The following TMEM38A variants were observed in gnomAD, a reference collection of about 807,000 sequenced individuals.
TMEM38A encodes transmembrane protein 38A.
Under a neutral mutation model 28.6 loss-of-function variants are expected in TMEM38A, and 17 were observed. That is an observed-to-expected ratio of 0.60 (90% CI 0.41 to 0.89). The LOEUF (loss-of-function observed/expected upper bound fraction) is 0.89. Among genes scored for constraint, TMEM38A ranks in the 40% least tolerant of loss-of-function variants. TMEM38A has a pLI of 0.00. For synonymous variants in TMEM38A, 169 were observed against 166.1 expected (o/e 1.02, Z -0.14); for missense variants, 328 against 393.1 (o/e 0.83, Z 1.40).
intron 1 of TMEM38A, among the ~76,000 whole-genome samples, chr19:16,668,096 C>T (rs1369823147): frequency 1.3e-5 from 2 of 151,856 alleles, no homozygotes; most frequent in African/African-American, 4.8e-5. Context: ...GTAGTCCTGG[C>T]TACTTGGTAG....
At chr19:16,671,952 G>A (rs1217789528) in intron 1 of TMEM38A, among the ~76,000 whole-genome samples, 5 of 152,188 alleles carry the variant, frequency 3.3e-5, no homozygotes, top group African/African-American at 9.7e-5. Flanking sequence ...TGCCTCACCC[G>A]ACCTGGCCTC....
intron 1 of TMEM38A, among the ~76,000 whole-genome samples, chr19:16,675,544 A>AT (rs778592406): frequency 0.052 from 4,628 of 89,744 alleles, 400 homozygotes; most frequent in African/African-American, 0.17. Flanking sequence ...TCTCTTGACT[A>AT]TTTTTTTTTT....
chr19:16,682,087 T>G (rs1275037441), intron 3 of TMEM38A, among the ~76,000 whole-genome samples: 2 of 152,058 alleles, frequency 1.3e-5, no homozygotes, highest in East Asian at 3.9e-4. Context: ...AGACTGCGGG[T>G]GGGGGCTGCC....
At chr19:16,663,217 G>T (rs1361113862) in intron 1 of TMEM38A, among the ~76,000 whole-genome samples, 1 of 151,364 alleles carries the variant, frequency 6.6e-6, no homozygotes, top group African/African-American at 2.4e-5. Context: ...GGAGGCGGAG[G>T]TTGCAGTGAG....
Position 16,688,470 on chromosome 19 carries a change from TC to T in TMEM38A, c.*103del. 1 of 984,376 alleles carries T rather than the reference TC, an allele frequency of 1.0e-6. No homozygotes were observed. The highest frequency in any genetic ancestry group is 1.4e-6 in the Non-Finnish European group (1 of 726,270). 61.0% of individuals were successfully genotyped at this position (984,376 alleles called of 1,614,324 possible). A position where few individuals can be genotyped will look rare whatever the true frequency, so the allele number is the denominator to read the frequency against. On this transcript the variant is annotated 3_prime_UTR_variant, in exon 6 of 6. Transcript: ENST00000187762. ...GATCTATCCTTTCCTGGCCTTGACT[TC>T]CCCATCTGCAAATCAGGGTCATTGG...
At chr19:16,674,692 G>A (rs373148918) in intron 1 of TMEM38A, among the ~76,000 whole-genome samples, 45 of 152,030 alleles carry the variant, frequency 3.0e-4, no homozygotes, top group African/African-American at 9.9e-4. Context: ...CTAGCTAGTC[G>A]GGAGGCTGAG....
chr19:16,688,284 A>G lies in TMEM38A; in HGVS notation c.813A>G (p.Pro271=), dbSNP rs760343446. The change falls in exon 6 of 6, where the codon CCA becomes CCG. Residue 271 remains proline, a synonymous_variant. Transcript: ENST00000187762. ...GTGGGTCCCACAGCGGTGGTGGGCC[A>G]GGAGCTCAGCATTCGGCCATGCCCG... ...NHGGSHSGGG[P]GAQHSAMPAK... is the part of the protein sequence containing the mutation. 1 of 1,609,116 alleles carries G rather than the reference A, an allele frequency of 6.2e-7. No homozygotes were observed. The highest frequency in any genetic ancestry group is 1.1e-5 in the South Asian group (1 of 90,376).
Position 16,687,153 on chromosome 19 carries a change from G to A in TMEM38A, c.672+748G>A, listed in dbSNP as rs145072533. On this transcript the variant is annotated intron_variant, in intron 5 of 5. Transcript: ENST00000187762. ...TCAAGACCAGCCTGGGCAACATGGC[G>A]AAACCCCATCTCTCCTAAAAATACA... 1.3e-3 allele frequency among the ~76,000 whole-genome samples: 198 copies of A among 152,182 alleles called. 5 individuals are homozygous for A. In the East Asian group the frequency reaches 0.025, roughly 19 times the overall value.
chr19:16,671,201 C>CT (rs34550977), intron 1 of TMEM38A, among the ~76,000 whole-genome samples: 962 of 84,796 alleles, frequency 0.011, 14 homozygotes, highest in African/African-American at 0.013. Context: ...AGGACCTGGG[C>CT]TTTTTTTTTT....
rs755635286 is a variant in TMEM38A at position 16,688,231 on chromosome 19, G to A, written c.760G>A (p.Gly254Arg). 10 of 1,592,504 alleles carry A rather than the reference G, an allele frequency of 6.3e-6. No homozygotes were observed. The Admixed American group carries it at 7.0e-5, about 11-fold the overall frequency. ...ICPVLFGSAC[G>R]GDHHHDNHGG... is the part of the protein sequence containing the mutation. The stretch of plus-strand genomic sequence containing the variant: ...CCCCGTGCTGTTTGGTTCGGCCTGC[G>A]GGGGTGACCATCACCACGACAACCA... The change falls in exon 6 of 6, where the codon GGG becomes AGG. Residue 254 changes from glycine to arginine, a missense_variant. Coordinates refer to ENST00000187762, the MANE Select transcript of TMEM38A (RefSeq NM_024074.4).
rs34550977 is a variant in TMEM38A, at chr19:16,671,201, C to CTTTTTTTTTTTT, written c.125-8772_125-8761dup. Among the ~76,000 whole-genome samples the CTTTTTTTTTTTT allele has an allele frequency of 3.7e-3, 316 of 84,846 alleles. 39 individuals are homozygous for CTTTTTTTTTTTT. The highest frequency in any genetic ancestry group is 0.018 in the African/African-American group (278 of 15,114). The allele number at this position is 84,846 out of a possible 152,430, so 55.7% of individuals were successfully genotyped here. On this transcript the variant is annotated intron_variant, in intron 1 of 5. Coordinates refer to ENST00000187762, the MANE Select transcript of TMEM38A (RefSeq NM_024074.4). ...GTATGGAAAGGGGAAAGGACCTGGG[C>CTTTTTTTTTTTT]TTTTTTTTTTTTTTTTTTTTTTGAG... is the stretch of plus-strand genomic sequence containing the variant.
At chr19:16,684,471 C>A (rs1239801505) in intron 4 of TMEM38A, among the ~76,000 whole-genome samples, 2 of 151,318 alleles carry the variant, frequency 1.3e-5, no homozygotes, top group African/African-American at 4.9e-5. Context: ...CAGAGCGAGA[C>A]CTTGTCTCAA....
intron 1 of TMEM38A, among the ~76,000 whole-genome samples, chr19:16,676,921 T>C (rs1440157872): frequency 2.6e-5 from 4 of 151,640 alleles, no homozygotes; most frequent in Non-Finnish European, 1.5e-5. Flanking sequence ...CCACCACGCC[T>C]GGCTAATTTT....
rs150094545 is a variant in TMEM38A, at chr19:16,680,005, G to A, written c.146G>A (p.Arg49His). ...YEPGAVELSRRHPIASWLCAM... is the reference protein window; with the variant it reads ...YEPGAVELSRHHPIASWLCAM... ...CCAGGAGCAGTCGAACTGTCCCGGC[G>A]CCACCCCATCGCGTCCTGGCTGTGC... Residue 49 changes from arginine (R) to histidine (H), a missense_variant, in exon 2 of 6, where the codon CGC (arginine) becomes CAC (histidine). Transcript: ENST00000187762. 118 of 1,608,142 alleles carry A rather than the reference G, an allele frequency of 7.3e-5. No homozygotes were observed. Among genetic ancestry groups the A allele is most frequent in the South Asian group, 3.8e-4 (35 of 91,040 alleles).
rs138228271 is a variant in TMEM38A, at chr19:16,671,300, G to A, written c.125-8684G>A. ...GGCTCACTGCAATTTCCGCCTCCTG[G>A]GTTCAAGCAATTCTGCCTCAGCCTC... On this transcript the variant is annotated intron_variant, in intron 1 of 5. Coordinates refer to ENST00000187762, the MANE Select transcript of TMEM38A (RefSeq NM_024074.4). Among the ~76,000 whole-genome samples, 1,018 of 148,806 alleles carry A rather than the reference G, an allele frequency of 6.8e-3. 12 individuals are homozygous for A. The highest frequency in any genetic ancestry group is 0.025 in the African/African-American group (976 of 39,654).
chr19:16,677,516 T>C lies in TMEM38A; in HGVS notation c.125-2468T>C, dbSNP rs142133413. The stretch of plus-strand genomic sequence containing the variant: ...TGCCCAGCTAATTAGAAAAAATTTT[T>C]TGTAGAGATGGGGTCTCACTGTGTT... On this transcript the variant is annotated intron_variant, in intron 1 of 5. Transcript: ENST00000187762. Among the ~76,000 whole-genome samples the C allele has an allele frequency of 4.0e-3, 595 of 148,978 alleles. 21 individuals are homozygous for C. The highest frequency in any genetic ancestry group is 0.035 in the Admixed American group (523 of 15,108).
intron 1 of TMEM38A, among the ~76,000 whole-genome samples, chr19:16,668,338 C>T (rs1019008274): frequency 2.0e-5 from 3 of 149,708 alleles, no homozygotes; most frequent in Non-Finnish European, 4.4e-5. Context: ...TGAAGCCAGG[C>T]GTTGGAGACC....
intron 4 of TMEM38A, among the ~76,000 whole-genome samples, chr19:16,684,087 G>GCCAC (rs1568316989): frequency 6.6e-6 from 1 of 151,642 alleles, no homozygotes. Context: ...CCGAGATCCT[G>GCCAC]CCACTGCACT....
intron 1 of TMEM38A, among the ~76,000 whole-genome samples, chr19:16,677,883 A>G (rs1344934582): frequency 6.6e-6 from 1 of 152,150 alleles, no homozygotes; most frequent in African/African-American, 2.4e-5. Flanking sequence ...AATACATGCT[A>G]CAATGGGGAT....
Sources: allele counts gnomAD v4.1 joint callset (sites outside exome capture counted in the v4.1 genomes callset), GRCh38; gene constraint gnomAD v4.1.1; transcripts MANE v1.5; gene names NCBI Gene and HGNC (gene_info 2026-07-23, HGNC 2026-07-21).